Variants in RASGRP3 observed in about 807,000 individuals in gnomAD.
RASGRP3 encodes ras guanyl-releasing protein 3.
RASGRP3 carries 54 observed loss-of-function variants against 82.7 expected under a neutral mutation model. The observed-to-expected ratio is 0.65, with a 90% CI of 0.52 to 0.82. The LOEUF (loss-of-function observed/expected upper bound fraction) is 0.82. Among genes scored for constraint, RASGRP3 ranks in the 40% least tolerant of loss-of-function variants. The pLI, the probability that RASGRP3 is intolerant of heterozygous loss-of-function variation, is 0.00. For missense variants in RASGRP3, 861 were observed against 828.9 expected (o/e 1.04, Z -0.48); for synonymous variants, 309 against 300.5 (o/e 1.03, Z -0.29).
At chr2:33,552,580 C>G (rs1377196875) in intron 14 of RASGRP3, among the ~76,000 whole-genome samples, 3 of 151,454 alleles carry the variant, frequency 2.0e-5, no homozygotes, top group African/African-American at 7.4e-5. Context: ...AACTATAGCT[C>G]TATAGATGTG....
chr2:33,462,936 C>T (rs1359985831), intron 2 of RASGRP3, among the ~76,000 whole-genome samples: 1 of 152,126 alleles, frequency 6.6e-6, no homozygotes, highest in African/African-American at 2.4e-5. Flanking sequence ...AGAAGAAATG[C>T]AGAGGTTGCC....
intron 1 of RASGRP3, among the ~76,000 whole-genome samples, chr2:33,479,009 G>A (rs1008493350): frequency 3.3e-5 from 5 of 152,136 alleles, no homozygotes; most frequent in African/African-American, 4.8e-5. Context: ...TTGACCATAT[G>A]TAACACAGAC....
At chr2:33,477,275 T>C (rs1363288741) in intron 1 of RASGRP3, among the ~76,000 whole-genome samples, 1 of 152,226 alleles carries the variant, frequency 6.6e-6, no homozygotes. Context: ...AGATTCACAT[T>C]AGAAATCATA....
At chr2:33,475,836 AG>A (rs1179491076), upstream of RASGRP3, among the ~76,000 whole-genome samples, 2 of 152,166 alleles carry the variant, frequency 1.3e-5, no homozygotes, top group Non-Finnish European at 2.9e-5. Context: ...AGCACACCAA[AG>A]GGGGCAGTAG....
At chr2:33,524,639 G>A in intron 9 of RASGRP3, 91 bp downstream of exon 9, 1 of 1,001,208 alleles carries the variant, frequency 1.0e-6, no homozygotes, top group Non-Finnish European at 1.5e-6. Context: ...CACTCAGAGT[G>A]GGAAAGTTTT....
intron 2 of RASGRP3, among the ~76,000 whole-genome samples, chr2:33,451,490 A>G (rs1003837641): frequency 6.6e-6 from 1 of 152,204 alleles, no homozygotes; most frequent in African/African-American, 2.4e-5. Flanking sequence ...GCCGAGACCA[A>G]TGACAAGAAG....
At chr2:33,487,332 A>C (rs1042014822) in intron 1 of RASGRP3, among the ~76,000 whole-genome samples, 1 of 152,238 alleles carries the variant, frequency 6.6e-6, no homozygotes, top group African/African-American at 2.4e-5. Context: ...AAAATACCAA[A>C]TACCAAAAGA....
At chr2:33,450,961 C>T (rs1283041855) in intron 2 of RASGRP3, among the ~76,000 whole-genome samples, 1 of 150,560 alleles carries the variant, frequency 6.6e-6, no homozygotes, top group Non-Finnish European at 1.5e-5. Context: ...CCTCAGCCTC[C>T]TGAGTAGCTG....
At chr2:33,517,936 C>T (rs1191381162) in intron 4 of RASGRP3, among the ~76,000 whole-genome samples, 2 of 152,060 alleles carry the variant, frequency 1.3e-5, no homozygotes, top group Non-Finnish European at 2.9e-5. Context: ...ATGCTATATC[C>T]ACAGTGCCTG....
intron 1 of RASGRP3, among the ~76,000 whole-genome samples, chr2:33,508,264 C>G (rs1384969951): frequency 1.3e-5 from 2 of 152,076 alleles, no homozygotes; most frequent in African/African-American, 4.8e-5. Flanking sequence ...TTCCCTTGAT[C>G]ATATCAAGGG....
Position 33,535,051 on chromosome 2 carries a change from T to C in RASGRP3, c.1161+651T>C, listed in dbSNP as rs143854026. Reference sequence around the variant, plus strand: ...TAACTCATCTTAATGTTAAAGATCATTTAGACTGTTTCAGGCTTTAAAAAA... The same window carrying C: ...TAACTCATCTTAATGTTAAAGATCACTTAGACTGTTTCAGGCTTTAAAAAA... On this transcript the variant is annotated intron_variant, in intron 11 of 17. Coordinates refer to ENST00000403687, the MANE Select transcript of RASGRP3 (RefSeq NM_001139488.2). 3.5e-4 allele frequency among the ~76,000 whole-genome samples: 53 copies of C among 152,306 alleles called. 1 individual carries two copies. In the East Asian group the frequency reaches 7.9e-3, roughly 23 times the overall value.
chr2:33,545,117 G>T (rs1674611351), intron 13 of RASGRP3, among the ~76,000 whole-genome samples: 1 of 152,148 alleles, frequency 6.6e-6, no homozygotes, highest in African/African-American at 2.4e-5. Context: ...TCTTTTATCT[G>T]TTGGTTCTAG....
At chr2:33,465,302 T>G (rs890505943) in intron 2 of RASGRP3, among the ~76,000 whole-genome samples, 2 of 152,178 alleles carry the variant, frequency 1.3e-5, no homozygotes, top group African/African-American at 4.8e-5. Flanking sequence ...TCTCTTCAAT[T>G]CTCGGAAGGC....
intron 1 of RASGRP3, among the ~76,000 whole-genome samples, 194 bp downstream of exon 1, chr2:33,476,901 C>T (rs1184781035): frequency 2.1e-5 from 3 of 139,702 alleles, no homozygotes. Context: ...TTTTCACAGC[C>T]CTTTTTTAGA....
intron 2 of RASGRP3, among the ~76,000 whole-genome samples, chr2:33,466,039 T>C (rs1362705406): frequency 6.6e-6 from 1 of 151,764 alleles, no homozygotes; most frequent in Non-Finnish European, 1.5e-5. Context: ...ACCCAAGAGC[T>C]CTAGTGTAGA....
At chr2:33,538,685 A>G (rs1440596306) in intron 11 of RASGRP3, among the ~76,000 whole-genome samples, 1 of 152,188 alleles carries the variant, frequency 6.6e-6, no homozygotes, top group African/African-American at 2.4e-5. Context: ...TTATGAATAT[A>G]CAAAACTTAT....
chr2:33,502,997 C>G (rs1033882034), intron 1 of RASGRP3, among the ~76,000 whole-genome samples: 3 of 152,226 alleles, frequency 2.0e-5, no homozygotes, highest in African/African-American at 4.8e-5. Flanking sequence ...CTATCAACCT[C>G]TAAAATTCTT....
chr2:33,483,497 T>TC (rs1353051648), intron 1 of RASGRP3, among the ~76,000 whole-genome samples: 1 of 150,740 alleles, frequency 6.6e-6, no homozygotes, highest in Non-Finnish European at 1.5e-5. Context: ...TTTTTTTTTT[T>TC]TTTTTTTTTG....
At chr2:33,452,212 C>T (rs1018621215) in intron 2 of RASGRP3, among the ~76,000 whole-genome samples, 1 of 152,182 alleles carries the variant, frequency 6.6e-6, no homozygotes, top group African/African-American at 2.4e-5. Context: ...CTCTGACAGG[C>T]AGTTCATAGA....
Sources: allele counts gnomAD v4.1 joint callset (sites outside exome capture counted in the v4.1 genomes callset), GRCh38; gene constraint gnomAD v4.1.1; transcripts MANE v1.5; gene names NCBI Gene and HGNC (gene_info 2026-07-23, HGNC 2026-07-21).